Variants in TNRC6B observed in about 807,000 individuals in gnomAD.
TNRC6B encodes the protein trinucleotide repeat containing adaptor 6B, also known as trinucleotide repeat-containing gene 6B protein.
TNRC6B carries 52 observed loss-of-function variants against 203.6 expected under a neutral mutation model. The observed-to-expected ratio is 0.26, with a 90% CI of 0.20 to 0.32. The LOEUF (loss-of-function observed/expected upper bound fraction) is 0.32. Ranked by LOEUF, TNRC6B falls within the 10% of genes least tolerant of loss-of-function variation. TNRC6B has a pLI of 1.00. For synonymous variants in TNRC6B, 838 were observed against 845.7 expected, an observed-to-expected ratio of 0.99 and a Z score of 0.16; for missense variants, 1,923 against 2,286.2, an observed-to-expected ratio of 0.84 and a Z score of 3.24.
At position 40,065,458 on chromosome 22, in the gene TNRC6B, A is replaced by C. The variant is rs368378520; in HGVS notation, c.-121+20460A>C. On this transcript the variant is annotated intron_variant, in intron 1 of 23. Transcript: ENST00000301923. ...CTGGCACTGGGGTTTGCTTTATAGG[A>C]ATTTTTTTTATTATGAATTTAGTTT... 1.3e-4 allele frequency among the ~76,000 whole-genome samples: 20 copies of C among 150,592 alleles called. No homozygotes were observed. The East Asian group carries it at 1.5e-3, about 12-fold the overall frequency.
chr22:40,246,267 A>G (rs2146471352), intron 2 of TNRC6B, 165 bp downstream of exon 2: 2 of 443,064 alleles, frequency 4.5e-6, no homozygotes, highest in Non-Finnish European at 8.0e-6. Context: ...TTGGCTCACT[A>G]CAACCTCCGC....
chr22:40,053,685 G>C (rs755616436), intron 1 of TNRC6B, among the ~76,000 whole-genome samples: 3 of 152,156 alleles, frequency 2.0e-5, no homozygotes, highest in Non-Finnish European at 4.4e-5. Context: ...ATACTGTACT[G>C]TGTCTGTCAT....
chr22:40,045,257 C>T lies in TNRC6B; in HGVS notation c.-121+259C>T, dbSNP rs1177112836. ...GCGCGCTCCGCGGGAGCGGGCGCCG[C>T]CGAGATTTGAGTCGAGGGGCGGGGA... On this transcript the variant is annotated intron_variant, in intron 1 of 23. Transcript: ENST00000301923. Among the ~76,000 whole-genome samples, 5 of 145,842 alleles carry T rather than the reference C, an allele frequency of 3.4e-5. No homozygotes were observed. In the South Asian group the frequency reaches 8.4e-4, roughly 24 times the overall value.
intron 1 of TNRC6B, among the ~76,000 whole-genome samples, chr22:40,200,170 A>G (rs2069390992): frequency 6.6e-6 from 1 of 151,218 alleles, no homozygotes; most frequent in Non-Finnish European, 1.5e-5. Flanking sequence ...CAAGTTGACA[A>G]CTTCCCCTCA....
intron 3 of TNRC6B, among the ~76,000 whole-genome samples, chr22:40,137,794 G>C (rs1236014407): frequency 6.6e-6 from 1 of 152,042 alleles, no homozygotes; most frequent in East Asian, 1.9e-4. Flanking sequence ...GACCAGCCTG[G>C]CCAACATGGT....
chr22:40,233,311 G>C (rs2069903068), intron 1 of TNRC6B, among the ~76,000 whole-genome samples: 1 of 146,096 alleles, frequency 6.8e-6, no homozygotes, highest in South Asian at 2.2e-4. Flanking sequence ...GACAAAGCAA[G>C]ACTCGTCACA....
intron 11 of TNRC6B, among the ~76,000 whole-genome samples, 155 bp downstream of exon 11, chr22:40,281,444 A>G (rs2070719822): frequency 6.6e-6 from 1 of 152,140 alleles, no homozygotes; most frequent in Non-Finnish European, 1.5e-5. Context: ...TTCAGCCCAT[A>G]GAACCCATCT....
rs187401925 is a variant in TNRC6B, at chr22:40,253,668, T to C, written c.115+2468T>C. 6.1e-5 allele frequency: 28 copies of C among 456,464 alleles called. No individual in the cohort carries two copies. The East Asian group carries it at 1.7e-3, about 28-fold the overall frequency. The allele number at this position is 456,464 out of a possible 1,614,324, so 28.3% of individuals were successfully genotyped here. ...CATTTCAGTCTCCTAAGGGATTTAA[T>C]TGTTAGACAGCAAGTAAAAATACCA... On this transcript the variant is annotated intron_variant, in intron 3 of 22. Coordinates refer to ENST00000454349, the MANE Select transcript of TNRC6B (RefSeq NM_001162501.2).
In TNRC6B at chr22:40,327,263, T is replaced by G. The variant is rs2071415612; in HGVS notation, c.*4022T>G. 6.6e-6 allele frequency: 1 copy of G among 152,584 alleles called. No homozygotes were observed. The highest frequency in any genetic ancestry group is 2.4e-5 in the African/African-American group (1 of 41,410). The allele number at this position is 152,584 out of a possible 1,614,324, so 9.5% of individuals were successfully genotyped here. A position where few individuals can be genotyped will look rare whatever the true frequency, so the allele number is the denominator to read the frequency against. On this transcript the variant is annotated 3_prime_UTR_variant, in exon 23 of 23. Transcript: ENST00000454349. ...GTGTGTGGTCCAGTCACTCCACAGA[T>G]GTAAGATACTCACCCATAAAGGAAA...
At chr22:40,270,367 T>C in intron 6 of TNRC6B, 87 bp downstream of exon 6, 1 of 1,247,280 alleles carries the variant, frequency 8.0e-7, no homozygotes, top group Non-Finnish European at 1.0e-6. Context: ...CCACCCAGGC[T>C]GGAGTGCAGT....
chr22:40,139,394 C>T (rs912715151), intron 3 of TNRC6B, among the ~76,000 whole-genome samples: 1 of 143,256 alleles, frequency 7.0e-6, no homozygotes, highest in Non-Finnish European at 1.5e-5. Context: ...TGCAGTGGTG[C>T]GATCCTGGCT....
chr22:40,279,087 A>G (rs4821941), intron 9 of TNRC6B, among the ~76,000 whole-genome samples: 47,675 of 152,016 alleles, frequency 0.31, 8,237 homozygotes, highest in South Asian at 0.46. Flanking sequence ...AAAATGCTCT[A>G]TGGGGCCAAA....
chr22:40,130,896 G>T (rs2068537305), intron 3 of TNRC6B, among the ~76,000 whole-genome samples: 1 of 151,578 alleles, frequency 6.6e-6, no homozygotes, highest in African/African-American at 2.4e-5. Flanking sequence ...GATGGGCAGG[G>T]TTGGTATAGA....
chr22:40,270,041 G>A, intron 5 of TNRC6B, 81 bp from the exon 6 acceptor site: 3 of 1,410,838 alleles, frequency 2.1e-6, no homozygotes, highest in Admixed American at 2.1e-5. Context: ...AGGCATGCCT[G>A]TTCCTTCCAC....
intron 17 of TNRC6B, among the ~76,000 whole-genome samples, chr22:40,311,829 C>T (rs2071188499): frequency 6.6e-6 from 1 of 152,218 alleles, no homozygotes; most frequent in South Asian, 2.1e-4. Context: ...AGGCGTGAGC[C>T]ACCACGCCCG....
At chr22:40,137,327 C>G (rs1601835189) in intron 3 of TNRC6B, among the ~76,000 whole-genome samples, 1 of 152,170 alleles carries the variant, frequency 6.6e-6, no homozygotes, top group Non-Finnish European at 1.5e-5. Context: ...AGCTGGTAAG[C>G]AACATCATTT....
chr22:40,062,706 C>G (rs1367112123), intron 1 of TNRC6B, among the ~76,000 whole-genome samples: 1 of 152,096 alleles, frequency 6.6e-6, no homozygotes, highest in African/African-American at 2.4e-5. Context: ...TTTGCCTGAA[C>G]GCTAATGATT....
chr22:40,078,745 A>G (rs2146287141), intron 1 of TNRC6B, among the ~76,000 whole-genome samples: 1 of 151,828 alleles, frequency 6.6e-6, no homozygotes, highest in Admixed American at 6.6e-5. Context: ...GGTGTGCACC[A>G]CCATGCCTAG....
intron 13 of TNRC6B, 29 bp from the exon 14 acceptor site, chr22:40,300,881 G>C (rs371000766): frequency 6.2e-7 from 1 of 1,605,286 alleles, no homozygotes; most frequent in African/African-American, 1.3e-5. Context: ...GGAAACTTTG[G>C]TTTTCTGTCT....
Sources: allele counts gnomAD v4.1 joint callset (sites outside exome capture counted in the v4.1 genomes callset), GRCh38; gene constraint gnomAD v4.1.1; transcripts MANE v1.5; gene names NCBI Gene and HGNC (gene_info 2026-07-23, HGNC 2026-07-21).